ZNF680: variants seen among roughly 807,000 people sequenced by gnomAD.
The protein encoded by ZNF680 is zinc finger protein 680.
ZNF680 carries 6 observed loss-of-function variants against 12.1 expected under a neutral mutation model. The ratio of observed to expected loss-of-function variants is 0.49; its 90% confidence interval spans 0.27 to 0.98. The LOEUF (loss-of-function observed/expected upper bound fraction) is 0.98, where lower values mean the gene tolerates loss of function less well. Among genes scored for constraint, ZNF680 ranks in the 50% least tolerant of loss-of-function variants. The pLI is 0.12. For missense variants in ZNF680, 561 were observed against 616.3 expected (o/e 0.91, Z 0.95); for synonymous variants, 170 against 199.3 (o/e 0.85, Z 1.24).
chr7:64,513,518 G>A, the ZNF680 span, among the ~76,000 whole-genome samples: 3 of 151,962 alleles, frequency 2.0e-5, no homozygotes, highest in African/African-American at 7.3e-5. Context: ...GTTATAAAAG[G>A]TTTATAAAAC....
intron 3 of ZNF680, among the ~76,000 whole-genome samples, chr7:64,527,404 T>TA (rs1791921539): frequency 1.3e-5 from 2 of 151,592 alleles, no homozygotes; most frequent in South Asian, 2.1e-4. Flanking sequence ...AACTAATTAA[T>TA]AAAAAAAGGT....
chr7:64,504,272 G>A, the ZNF680 span, among the ~76,000 whole-genome samples: 1 of 152,164 alleles, frequency 6.6e-6, no homozygotes, highest in African/African-American at 2.4e-5. Flanking sequence ...AGGCTAGCTG[G>A]TGCCAGGAAA....
At chr7:64,500,998 G>A in the ZNF680 span, 9 of 678,514 alleles carry the variant, frequency 1.3e-5, no homozygotes, top group Admixed American at 1.6e-4. Flanking sequence ...TTCAACAGGT[G>A]AATGAGAGAA....
At chr7:64,545,263 C>CAAAAAAA (rs532422147) in intron 1 of ZNF680, among the ~76,000 whole-genome samples, 4 of 89,742 alleles carry the variant, frequency 4.5e-5, no homozygotes, top group African/African-American at 6.8e-5. Flanking sequence ...GACTCCATCT[C>CAAAAAAA]AAAAAAAAAA....
chr7:64,562,752 G>A (rs1171784885), intron 1 of ZNF680, among the ~76,000 whole-genome samples, 173 bp downstream of exon 1: 1 of 152,214 alleles, frequency 6.6e-6, no homozygotes, highest in African/African-American at 2.4e-5. Flanking sequence ...CCGGCTGTCA[G>A]CCCAGCCGCC....
the ZNF680 span, chr7:64,501,014 C>T: frequency 2.9e-6 from 2 of 692,954 alleles, no homozygotes; most frequent in Non-Finnish European, 5.3e-6. Context: ...GAGAAATGCC[C>T]CGGCTGCTGT....
At position 64,545,025 on chromosome 7, in the gene ZNF680, G is replaced by A. The variant is rs569395915; in HGVS notation, c.31-593C>T. Among the ~76,000 whole-genome samples the A allele has an allele frequency of 2.0e-3, 307 of 152,136 alleles. 1 individual carries two copies. The highest frequency in any genetic ancestry group is 6.4e-3 in the African/African-American group (265 of 41,518). On this transcript the variant is annotated intron_variant, in intron 1 of 3. Coordinates refer to ENST00000309683, the MANE Select transcript of ZNF680 (RefSeq NM_178558.5). ...TGTAATCCCAGCACTCTGGGAGGCC[G>A]AGGCAGGCGGATCACCTGAGGTCAC...
intron 1 of ZNF680, among the ~76,000 whole-genome samples, chr7:64,554,314 A>G (rs181841693): frequency 0.22 from 33,824 of 150,610 alleles, 3,972 homozygotes; most frequent in South Asian, 0.28. Flanking sequence ...CTGACCGGCC[A>G]CCCAGTCTGG....
At chr7:64,528,343 T>C (rs1785669863) in intron 3 of ZNF680, among the ~76,000 whole-genome samples, 1 of 152,186 alleles carries the variant, frequency 6.6e-6, no homozygotes, top group Non-Finnish European at 1.5e-5. Flanking sequence ...AAATCCATCC[T>C]GCAGACTCCA....
intron 3 of ZNF680, among the ~76,000 whole-genome samples, chr7:64,535,431 GGA>G (rs372915423): frequency 9.8e-5 from 14 of 142,566 alleles, no homozygotes; most frequent in African/African-American, 2.8e-4. Context: ...AGGGAGGGAG[GGA>G]GAGAGAGAGA....
the ZNF680 span, among the ~76,000 whole-genome samples, chr7:64,499,117 T>C: frequency 1.6e-4 from 25 of 152,166 alleles, no homozygotes; most frequent in Middle Eastern, 7.0e-3. Flanking sequence ...TTGGAAAGAA[T>C]AAATACATTA....
At chr7:64,510,783 G>A in the ZNF680 span, among the ~76,000 whole-genome samples, 3,326 of 130,424 alleles carry the variant, frequency 0.026, 184 homozygotes, top group Non-Finnish European at 0.037. Context: ...AGTGGCGGGC[G>A]CCTGTAGTCC....
At chr7:64,559,523 C>T (rs1307053272) in intron 1 of ZNF680, among the ~76,000 whole-genome samples, 1 of 152,042 alleles carries the variant, frequency 6.6e-6, no homozygotes, top group African/African-American at 2.4e-5. Context: ...CCCTGTCACC[C>T]AGGCTGGAGT....
At chr7:64,550,210 A>C (rs1038910066) in intron 1 of ZNF680, among the ~76,000 whole-genome samples, 1 of 152,232 alleles carries the variant, frequency 6.6e-6, no homozygotes, top group Non-Finnish European at 1.5e-5. Flanking sequence ...AATAAAATCG[A>C]TTACTAATTG....
At chr7:64,551,767 C>T (rs933333105) in intron 1 of ZNF680, 1 of 153,648 alleles carries the variant, frequency 6.5e-6, no homozygotes, top group Non-Finnish European at 1.5e-5. Context: ...AAAAACAGCT[C>T]TCAGTCTCAG....
intron 1 of ZNF680, among the ~76,000 whole-genome samples, chr7:64,545,622 C>T (rs1243201611): frequency 1.3e-5 from 2 of 152,148 alleles, no homozygotes; most frequent in African/African-American, 4.8e-5. Flanking sequence ...CATAAAGAAA[C>T]ATCAATTTTA....
At chr7:64,541,706 T>A (rs1786511615) in intron 3 of ZNF680, among the ~76,000 whole-genome samples, 1 of 152,102 alleles carries the variant, frequency 6.6e-6, no homozygotes, top group Non-Finnish European at 1.5e-5. Flanking sequence ...CCAAATTTGG[T>A]CCCACTGAGA....
intron 1 of ZNF680, among the ~76,000 whole-genome samples, chr7:64,561,884 G>A (rs111745121): frequency 0.013 from 1,836 of 144,854 alleles, 42 homozygotes; most frequent in African/African-American, 0.044. Flanking sequence ...GCAGTGAGCC[G>A]AGATCGCGCC....
chr7:64,505,892 C>T, the ZNF680 span, among the ~76,000 whole-genome samples: 3 of 152,012 alleles, frequency 2.0e-5, no homozygotes, highest in Admixed American at 6.6e-5. Flanking sequence ...CCATAAGCAG[C>T]TTACAGCATG....
Sources: allele counts gnomAD v4.1 joint callset (sites outside exome capture counted in the v4.1 genomes callset), GRCh38; gene constraint gnomAD v4.1.1; transcripts MANE v1.5; gene names NCBI Gene and HGNC (gene_info 2026-07-23, HGNC 2026-07-21).